The following KRIT1 variants were observed in gnomAD, a reference collection of about 807,000 sequenced individuals.
KRIT1 encodes the protein krev interaction trapped protein 1.
In KRIT1, 45 loss-of-function variants were observed where a neutral mutation model predicts 95.8. The observed-to-expected ratio is 0.47, with a 90% confidence interval of 0.37 to 0.60. The LOEUF (loss-of-function observed/expected upper bound fraction) is 0.60, where lower values mean the gene tolerates loss of function less well. Ranked by LOEUF, KRIT1 falls within the 20% of genes least tolerant of loss-of-function variation. KRIT1 has a pLI of 0.00. For missense variants in KRIT1, 788 were observed against 877.5 expected (o/e 0.90, Z 1.29); for synonymous variants, 282 against 278.8 (o/e 1.01, Z -0.11).
chr7:92,230,872 G>A (rs1408404403), intron 10 of KRIT1, among the ~76,000 whole-genome samples: 1 of 152,120 alleles, frequency 6.6e-6, no homozygotes, highest in Non-Finnish European at 1.5e-5. Flanking sequence ...GAAAAAGAAA[G>A]TAGTGAAAGT....
intron 14 of KRIT1, among the ~76,000 whole-genome samples, chr7:92,221,228 G>C (rs1795077128): frequency 6.6e-6 from 1 of 152,084 alleles, no homozygotes; most frequent in South Asian, 2.1e-4. Context: ...TTGAAGCCAA[G>C]AGTTCAAGAC....
chr7:92,234,873 G>A lies in KRIT1; in HGVS notation c.780C>T (p.Tyr260=), dbSNP rs1307397097. The A allele has an allele frequency of 6.2e-7, 1 of 1,608,426 alleles. No homozygotes were observed. Among genetic ancestry groups the A allele is most frequent in the African/African-American group, 1.3e-5 (1 of 74,868 alleles). ...NPYFGLGAPD[Y]SKIQIPKQEK... ...CCTGTTTAGGTATTTGGATTTTTGA[G>A]TAGTCTGGAGCTCCTAGACCAAAGT... The change falls in exon 9 of 19, where the codon TAC becomes TAT. Residue 260 remains tyrosine, a synonymous_variant. Coordinates refer to ENST00000394505, the MANE Select transcript of KRIT1 (RefSeq NM_194454.3).
chr7:92,241,027 G>A lies in KRIT1; in HGVS notation c.228C>T (p.Thr76=), dbSNP rs778232555. The A allele has an allele frequency of 2.5e-6, 4 of 1,612,686 alleles. No homozygotes were observed. The highest frequency in any genetic ancestry group is 3.3e-5 in the Admixed American group (2 of 60,012). Residue 76 remains threonine (T), a synonymous_variant, in exon 5 of 19, where the codon ACC becomes ACT. Coordinates refer to ENST00000394505, the MANE Select transcript of KRIT1 (RefSeq NM_194454.3). ...CCTGGTTTGCAGGAGAAATTGGTTT[G>A]GTGGTTTCTACTACGTAATCCAATA... is the stretch of plus-strand genomic sequence containing the variant. ...QGILDYVVET[T]KPISPANQGI...
At chr7:92,209,378 G>T (rs1225943869) in intron 17 of KRIT1, among the ~76,000 whole-genome samples, 2 of 152,116 alleles carry the variant, frequency 1.3e-5, no homozygotes, top group Admixed American at 6.6e-5. Context: ...GTAAGAGAAA[G>T]AAATAAAAGC....
rs1416080985 is a variant in KRIT1 at position 92,199,907 on chromosome 7, G to C, written c.*829C>G. 6.6e-6 allele frequency: 1 copy of C among 152,160 alleles called. No homozygotes were observed. Among genetic ancestry groups the C allele is most frequent in the Non-Finnish European group, 1.5e-5 (1 of 68,034 alleles). The allele number at this position is 152,160 out of a possible 1,614,324, so 9.4% of individuals were successfully genotyped here. A position where few individuals can be genotyped will look rare whatever the true frequency, so the allele number is the denominator to read the frequency against. On this transcript the variant is annotated 3_prime_UTR_variant, in exon 19 of 19. Coordinates refer to ENST00000394505, the MANE Select transcript of KRIT1 (RefSeq NM_194454.3). Reference sequence around the variant, plus strand: ...AAGGAGTTCATGAACTATACTTTGAGAAACACTACTGTATATCAGATTTAC... The same window carrying C: ...AAGGAGTTCATGAACTATACTTTGACAAACACTACTGTATATCAGATTTAC...
intron 1 of KRIT1, chr7:92,245,469 GT>G (rs1281041343): frequency 6.6e-6 from 1 of 151,302 alleles, no homozygotes; most frequent in Non-Finnish European, 1.5e-5. Flanking sequence ...TCCCACCTCC[GT>G]TTTCCCTCGC....
intron 7 of KRIT1, 55 bp from the exon 8 acceptor site, chr7:92,235,701 G>C: frequency 3.2e-6 from 5 of 1,566,024 alleles, no homozygotes; most frequent in Non-Finnish European, 4.4e-6. Context: ...AGATGAAAAA[G>C]ATAGATTACT....
intron 12 of KRIT1, among the ~76,000 whole-genome samples, chr7:92,223,554 T>C (rs978537062): frequency 6.6e-6 from 1 of 152,174 alleles, no homozygotes. Flanking sequence ...CTTAAAAACA[T>C]ACTCAATGTC....
In KRIT1 at chr7:92,209,150, TG is replaced by T. The variant is rs1792220806; in HGVS notation, c.2025+4044del. On this transcript the variant is annotated intron_variant, in intron 17 of 18. Coordinates refer to ENST00000394505, the MANE Select transcript of KRIT1 (RefSeq NM_194454.3). The stretch of plus-strand genomic sequence containing the variant: ...CATGAAGTTCAATATCGTTTCGTGA[TG>T]AAAAAAAAAACCTCTCAGCGAATTC... Among the ~76,000 whole-genome samples the T allele has an allele frequency of 2.0e-5, 3 of 151,152 alleles. No individual in the cohort carries two copies. The South Asian group carries it at 6.3e-4, about 32-fold the overall frequency.
chr7:92,229,729 G>C lies in KRIT1; in HGVS notation c.990-3047C>G, dbSNP rs1232689024. ...AGCATTCTATTTTTGCTTCTTTTTTGTGACTTATTTCATTCTACCTAATTC... is the reference window on the plus strand; with the variant it reads ...AGCATTCTATTTTTGCTTCTTTTTTCTGACTTATTTCATTCTACCTAATTC... On this transcript the variant is annotated intron_variant, in intron 10 of 18. Transcript: ENST00000394505. Among the ~76,000 whole-genome samples, 4 of 151,736 alleles carry C rather than the reference G, an allele frequency of 2.6e-5. No individual in the cohort carries two copies. The East Asian group carries it at 7.7e-4, about 29-fold the overall frequency.
chr7:92,209,393 C>G (rs960994374), intron 17 of KRIT1, among the ~76,000 whole-genome samples: 8 of 152,088 alleles, frequency 5.3e-5, no homozygotes, highest in Admixed American at 3.9e-4. Flanking sequence ...AAAAGCCATA[C>G]AAATTGGTAA....
intron 17 of KRIT1, chr7:92,206,905 T>C (rs1791617032): frequency 6.7e-6 from 1 of 149,430 alleles, no homozygotes; most frequent in Non-Finnish European, 1.5e-5. Context: ...AATAAAGAAT[T>C]TGTAAACCCG....
rs910012769 is a variant in KRIT1 at position 92,214,464 on chromosome 7, A to G, written c.1730+147T>C. ...AGTATAACTTTAAGAATGCTTTAGT[A>G]TAATATTTTTTCTCATTCTATGTCT... On this transcript the variant is annotated intron_variant, in intron 15 of 18. Coordinates refer to ENST00000394505, the MANE Select transcript of KRIT1 (RefSeq NM_194454.3). 7.9e-6 allele frequency: 5 copies of G among 636,654 alleles called. No individual in the cohort carries two copies. In the African/African-American group the frequency reaches 9.2e-5, roughly 12 times the overall value. The allele number at this position is 636,654 out of a possible 1,614,324, so 39.4% of individuals were successfully genotyped here.
Position 92,234,500 on chromosome 7 carries a change from G to A in KRIT1, c.938C>T (p.Ser313Leu). The A allele has an allele frequency of 6.2e-7, 1 of 1,611,218 alleles. No individual in the cohort carries two copies. The highest frequency in any genetic ancestry group is 8.5e-7 in the Non-Finnish European group (1 of 1,177,300). ...LLSRLLSERF[S>L]VNQLDSDHWA... is the part of the protein sequence containing the mutation. ...GTGGTCACTATCTAACTGGTTGACT[G>A]AAAATCTTTCACTGAGAAGACGGCT... Residue 313 changes from serine (S) to leucine (L), a missense_variant, in exon 10 of 19, where the codon TCA becomes TTA. Physicochemically the swap from Ser to Leu is moderately radical, Grantham distance 145. This residue lies in a region of KRIT1 where 493 missense variants were observed against 582.3 expected (regional missense o/e 0.85). Transcript: ENST00000394505.
intron 10 of KRIT1, among the ~76,000 whole-genome samples, chr7:92,228,955 A>G (rs1302998393): frequency 6.6e-6 from 1 of 152,170 alleles, no homozygotes; most frequent in Non-Finnish European, 1.5e-5. Context: ...CATGATGTAT[A>G]CATACCACAT....
intron 10 of KRIT1, among the ~76,000 whole-genome samples, chr7:92,231,408 A>C (rs1797252007): frequency 6.6e-6 from 1 of 152,304 alleles, no homozygotes; most frequent in Non-Finnish European, 1.5e-5. Flanking sequence ...ACTGGATTTA[A>C]TCCACATAAA....
chr7:92,226,532 C>T lies in KRIT1; in HGVS notation c.1140G>A (p.Thr380=), dbSNP rs140009885. ...AACCTGGAAAATAACTTACTCTATC[C>T]GTTTCTGGGTGGTTTAGGAGAATCT... ...IVQILLNHPE[T]DRHITDQQGR... is the part of the protein sequence containing the mutation. Residue 380 remains threonine (T), a synonymous_variant, in exon 11 of 19, where the codon ACG becomes ACA. Coordinates refer to ENST00000394505, the MANE Select transcript of KRIT1 (RefSeq NM_194454.3). The T allele has an allele frequency of 2.4e-3, 3,927 of 1,610,028 alleles. 10 individuals are homozygous for T. Among genetic ancestry groups the T allele is most frequent in the Non-Finnish European group, 3.0e-3 (3,491 of 1,176,562 alleles).
intron 10 of KRIT1, among the ~76,000 whole-genome samples, chr7:92,227,693 C>A (rs1286000229): frequency 6.6e-6 from 1 of 151,682 alleles, no homozygotes; most frequent in Admixed American, 6.6e-5. Flanking sequence ...CGCCACCACG[C>A]CCAGCTAATT....
intron 15 of KRIT1, 137 bp downstream of exon 15, chr7:92,214,474 T>C (rs1793535854): frequency 1.5e-6 from 1 of 662,616 alleles, no homozygotes; most frequent in Non-Finnish European, 2.6e-6. Context: ...ATAATATTTT[T>C]TCTCATTCTA....
Sources: gnomAD v4.1 joint callset for allele counts (sites outside exome capture counted in the v4.1 genomes callset) on GRCh38, gnomAD v4.1.1 for gene constraint, gnomAD v4.1.1 regional missense constraint, MANE v1.5 for transcripts, NCBI Gene and HGNC (gene_info 2026-07-23, HGNC 2026-07-21) for gene names.